RBFOX1: variants seen among roughly 807,000 people sequenced by gnomAD.
RBFOX1 encodes RNA binding protein fox-1 homolog 1.
RBFOX1 carries 8 observed loss-of-function variants against 57.7 expected under a neutral mutation model. The observed-to-expected ratio is 0.14, with a 90% CI of 0.08 to 0.25. The LOEUF is 0.25. RBFOX1 is among the 10% of genes least tolerant of loss of function. The probability of loss-of-function intolerance (pLI) is 1.00; values close to 1 mark genes in which losing one functional copy is unlikely to be tolerated. For missense variants in RBFOX1, 611 were observed against 548.5 expected, an observed-to-expected ratio of 1.11 and a Z score of -1.14; for synonymous variants, 326 against 222.4, an observed-to-expected ratio of 1.47 and a Z score of -4.15.
intron 3 of RBFOX1, among the ~76,000 whole-genome samples, chr16:5,639,810 G>T (rs1443576229): frequency 6.6e-6 from 1 of 152,142 alleles, no homozygotes; most frequent in Non-Finnish European, 1.5e-5. Flanking sequence ...GGCTGGTGTC[G>T]CTCTGTTCTC....
At chr16:5,620,659 C>G (rs191212152) in intron 3 of RBFOX1, among the ~76,000 whole-genome samples, 5 of 151,738 alleles carry the variant, frequency 3.3e-5, no homozygotes, top group African/African-American at 1.2e-4. Context: ...TTAGGGCCAC[C>G]CTAATCTCAT....
chr16:6,578,184 C>T (rs1297673388), intron 2 of RBFOX1, among the ~76,000 whole-genome samples: 1 of 152,222 alleles, frequency 6.6e-6, no homozygotes, highest in Non-Finnish European at 1.5e-5. Flanking sequence ...TAGCACTTTA[C>T]ATATCATTAC....
intron 3 of RBFOX1, among the ~76,000 whole-genome samples, chr16:6,920,956 C>G (rs1443481473): frequency 2.0e-5 from 3 of 152,202 alleles, no homozygotes; most frequent in Non-Finnish European, 4.4e-5. Flanking sequence ...TCTGTAATGA[C>G]TATCAGAGAA....
At chr16:6,957,769 G>A (rs916898047) in intron 3 of RBFOX1, among the ~76,000 whole-genome samples, 1 of 152,096 alleles carries the variant, frequency 6.6e-6, no homozygotes, top group Admixed American at 6.6e-5. Flanking sequence ...AAACATCTGT[G>A]ACTGTTGGGC....
Position 5,909,090 on chromosome 16 carries a change from C to CTTTTTTTTTTTTTTTTTTTTTTT in RBFOX1, c.351+41775_351+41776insTTTTTTTTTTTTTTTTTTTTTTT, listed in dbSNP as rs3041577. Among the ~76,000 whole-genome samples, 3 of 116,390 alleles carry CTTTTTTTTTTTTTTTTTTTTTTT rather than the reference C, an allele frequency of 2.6e-5. 1 individual carries two copies. The highest frequency in any genetic ancestry group is 2.0e-4 in the Admixed American group (2 of 9,818). The allele number at this position is 116,390 out of a possible 152,430, so 76.4% of individuals were successfully genotyped here. A position where few individuals can be genotyped will look rare whatever the true frequency, so the allele number is the denominator to read the frequency against. On this transcript the variant is annotated intron_variant, in intron 4 of 19. Coordinates refer to the RBFOX1 transcript ENST00000641259. ...ATCGGCTCCAACAGACTAAGCCCCC[C>CTTTTTTTTTTTTTTTTTTTTTTT]TTTTTTTTTTTTTTTTTTTTGAGAC...
Position 7,518,248 on chromosome 16 carries a change from C to T in RBFOX1, c.129C>T (p.Ala43=), listed in dbSNP as rs776138625. 1 of 1,614,148 alleles carries T rather than the reference C, an allele frequency of 6.2e-7. No individual in the cohort carries two copies. Among genetic ancestry groups the T allele is most frequent in the Non-Finnish European group, 8.5e-7 (1 of 1,180,014 alleles). ...ACGGTATCCCCGCGGAATACACGGC[C>T]CCTCATCCCCACCCCGCGCCAGAGT... ...PQNGIPAEYT[A]PHPHPAPEYT... is the part of the protein sequence containing the mutation. The change falls in exon 5 of 16, where the codon GCC becomes GCT. Residue 43 remains alanine, a synonymous_variant. Transcript: ENST00000550418.
intron 3 of RBFOX1, among the ~76,000 whole-genome samples, chr16:5,862,460 C>T (rs1031937021): frequency 2.0e-5 from 3 of 152,046 alleles, no homozygotes; most frequent in African/African-American, 4.8e-5. Flanking sequence ...ACTGTAAATA[C>T]TGGAGGCAGG....
At chr16:5,801,859 G>A (rs1296501597) in intron 3 of RBFOX1, among the ~76,000 whole-genome samples, 1 of 152,180 alleles carries the variant, frequency 6.6e-6, no homozygotes. Flanking sequence ...AGTTTTGCTG[G>A]TTATGGAAGT....
chr16:7,532,256 C>T (rs920396215), intron 5 of RBFOX1, among the ~76,000 whole-genome samples: 5 of 151,592 alleles, frequency 3.3e-5, no homozygotes, highest in African/African-American at 9.7e-5. Context: ...GCAGTTATGC[C>T]GGGAGTTGCC....
chr16:5,715,955 C>T (rs1442708118), intron 3 of RBFOX1, among the ~76,000 whole-genome samples: 1 of 152,144 alleles, frequency 6.6e-6, no homozygotes, highest in African/African-American at 2.4e-5. Flanking sequence ...TAATTCTTCA[C>T]AGTTTTTAAA....
At chr16:6,897,502 C>T (rs143869598) in intron 3 of RBFOX1, among the ~76,000 whole-genome samples, 37 of 152,270 alleles carry the variant, frequency 2.4e-4, no homozygotes, top group African/African-American at 8.4e-4. Flanking sequence ...TGGTCAAGTC[C>T]AGAAGTCCAG....
intron 2 of RBFOX1, among the ~76,000 whole-genome samples, chr16:5,577,131 C>A (rs73517597): frequency 0.075 from 11,414 of 152,234 alleles, 1,275 homozygotes; most frequent in African/African-American, 0.24. Context: ...GACTATCCCT[C>A]GGAGCCCCAT....
At chr16:5,362,717 C>T (rs2065589079) in intron 1 of RBFOX1, among the ~76,000 whole-genome samples, 1 of 152,108 alleles carries the variant, frequency 6.6e-6, no homozygotes, top group Non-Finnish European at 1.5e-5. Context: ...CTCCCCTCAG[C>T]CCCCGACAAC....
intron 4 of RBFOX1, among the ~76,000 whole-genome samples, chr16:7,348,846 G>T (rs1298554856): frequency 6.6e-6 from 1 of 152,106 alleles, no homozygotes; most frequent in Non-Finnish European, 1.5e-5. Flanking sequence ...GGAGGCTCAG[G>T]CAGGAGAATC....
intron 2 of RBFOX1, among the ~76,000 whole-genome samples, chr16:6,486,586 C>G (rs1207237720): frequency 6.6e-6 from 1 of 151,952 alleles, no homozygotes; most frequent in Non-Finnish European, 1.5e-5. Context: ...TGAGACTTCA[C>G]TCTCCATCTT....
At chr16:7,633,559 T>A (rs913509990) in intron 11 of RBFOX1, among the ~76,000 whole-genome samples, 9 of 152,226 alleles carry the variant, frequency 5.9e-5, no homozygotes, top group African/African-American at 2.2e-4. Flanking sequence ...TAGAGCAGTT[T>A]TAAAGAAAAT....
At chr16:5,452,279 C>T (rs866352743) in intron 1 of RBFOX1, among the ~76,000 whole-genome samples, 47 of 151,770 alleles carry the variant, frequency 3.1e-4, no homozygotes, top group African/African-American at 1.1e-3. Flanking sequence ...CCACCACGCC[C>T]AGCTAATTTT....
chr16:5,700,768 T>C (rs1294476927), intron 3 of RBFOX1, among the ~76,000 whole-genome samples: 1 of 152,232 alleles, frequency 6.6e-6, no homozygotes, highest in Non-Finnish European at 1.5e-5. Context: ...ATTTTTGCCC[T>C]TCTTTAGTGC....
intron 3 of RBFOX1, among the ~76,000 whole-genome samples, chr16:5,627,636 A>G (rs1416675967): frequency 6.6e-6 from 1 of 152,230 alleles, no homozygotes; most frequent in Non-Finnish European, 1.5e-5. Flanking sequence ...GATACCCCAA[A>G]GTAGAAGTAC....
Sources: gnomAD v4.1 joint callset for allele counts (sites outside exome capture counted in the v4.1 genomes callset) on GRCh38, gnomAD v4.1.1 for gene constraint, MANE v1.5 for transcripts, NCBI Gene and HGNC (gene_info 2026-07-23, HGNC 2026-07-21) for gene names.